Variants in ASH1L observed in about 807,000 individuals in gnomAD.
The protein encoded by ASH1L is ASH1 like histone lysine methyltransferase.
ASH1L carries 23 observed loss-of-function variants against 269.0 expected under a neutral mutation model. The observed-to-expected ratio is 0.09, with a 90% CI of 0.06 to 0.12. The LOEUF is 0.12. Among genes scored for constraint, ASH1L ranks in the 10% least tolerant of loss-of-function variants. ASH1L has a pLI of 1.00. For missense variants in ASH1L, 2,912 were observed against 3,567.8 expected (o/e 0.82, Z 4.68); for synonymous variants, 1,187 against 1,253.5 (o/e 0.95, Z 1.12).
chr1:155,392,025 G>A (rs1657971415), intron 7 of ASH1L, among the ~76,000 whole-genome samples: 1 of 152,066 alleles, frequency 6.6e-6, no homozygotes, highest in South Asian at 2.1e-4. Context: ...TTGCATTAGA[G>A]CAACCAGTTA....
intron 1 of ASH1L, among the ~76,000 whole-genome samples, chr1:155,522,799 G>A (rs778419887): frequency 6.6e-6 from 1 of 151,094 alleles, no homozygotes. Flanking sequence ...AGATTCTCCT[G>A]CCTCAGCTTC....
intron 15 of ASH1L, among the ~76,000 whole-genome samples, chr1:155,356,660 A>G (rs1470097327): frequency 6.6e-6 from 1 of 150,408 alleles, no homozygotes; most frequent in South Asian, 2.1e-4. Flanking sequence ...AAAAAAAAAC[A>G]ACAAAAAACC....
intron 4 of ASH1L, among the ~76,000 whole-genome samples, chr1:155,446,317 T>G (rs888140675): frequency 1.3e-5 from 2 of 150,638 alleles, no homozygotes; most frequent in African/African-American, 4.8e-5. Context: ...TTTTTTTTTT[T>G]TGAGACAAGG....
chr1:155,419,474 C>G (rs539571741), intron 5 of ASH1L: 1 of 151,548 alleles, frequency 6.6e-6, no homozygotes, highest in African/African-American at 2.4e-5. Flanking sequence ...GAATGATATG[C>G]AAACTTGTGA....
chr1:155,404,318 T>C (rs1044437630), intron 6 of ASH1L, among the ~76,000 whole-genome samples: 2 of 152,026 alleles, frequency 1.3e-5, no homozygotes, highest in Admixed American at 6.6e-5. Flanking sequence ...ATTATGCCAC[T>C]GTACTCTAGT....
At chr1:155,398,136 A>G (rs1217208876) in intron 6 of ASH1L, among the ~76,000 whole-genome samples, 2 of 152,240 alleles carry the variant, frequency 1.3e-5, no homozygotes, top group East Asian at 3.8e-4. Flanking sequence ...ATCTAGGACT[A>G]TAACATAGAT....
Position 155,343,125 on chromosome 1 carries a change from T to C in ASH1L, c.8293+189A>G, listed in dbSNP as rs1350376861. On this transcript the variant is annotated intron_variant, in intron 24 of 27. Transcript: ENST00000392403. The surrounding 1 kb of genome is among the most constrained non-coding windows in gnomAD (Gnocchi z 6.1). Reference sequence around the variant, plus strand: ...CTCCCAGGCTCAGCAATCCTCCCAGTAGTTGGGACTACAGGCCTACACTGC... The same window carrying C: ...CTCCCAGGCTCAGCAATCCTCCCAGCAGTTGGGACTACAGGCCTACACTGC... 9.0e-6 allele frequency: 5 copies of C among 557,406 alleles called. No individual in the cohort carries two copies. The highest frequency in any genetic ancestry group is 7.3e-5 in the South Asian group (3 of 41,202). 34.5% of individuals were successfully genotyped at this position (557,406 alleles called of 1,614,324 possible).
intron 3 of ASH1L, among the ~76,000 whole-genome samples, chr1:155,472,865 GAC>G (rs1321974601): frequency 6.6e-6 from 1 of 152,136 alleles, no homozygotes; most frequent in African/African-American, 2.4e-5. Context: ...GCCAAAAGCT[GAC>G]AGTTTTTTAA....
In ASH1L at chr1:155,378,369, G is replaced by T; in HGVS notation, c.6244C>A (p.Pro2082Thr). The change falls in exon 10 of 28, where the codon CCC (proline) becomes ACC (threonine). Residue 2082 changes from proline (P) to threonine (T), a missense_variant. Pro to Thr is a conservative substitution (Grantham distance 38). Coordinates refer to ENST00000392403, the MANE Select transcript of ASH1L (RefSeq NM_018489.3). ...IRSNVYVDVKPLSGYEATTCN... is the reference protein window; with the variant it reads ...IRSNVYVDVKTLSGYEATTCN... ...GTGGTAGCTTCGTAACCAGAAAGGG[G>T]TTTGACATCAACGTAGACATCTTGA... 6.2e-7 allele frequency: 1 copy of T among 1,614,136 alleles called. No homozygotes were observed. Among genetic ancestry groups the T allele is most frequent in the Non-Finnish European group, 8.5e-7 (1 of 1,179,986 alleles).
intron 4 of ASH1L, among the ~76,000 whole-genome samples, chr1:155,445,478 C>T (rs1662936750): frequency 6.6e-6 from 1 of 151,940 alleles, no homozygotes; most frequent in South Asian, 2.1e-4. Context: ...AGCCACTACA[C>T]CTGGTCTAAA....
intron 7 of ASH1L, among the ~76,000 whole-genome samples, chr1:155,392,842 CT>C (rs111947784): frequency 1.6e-3 from 227 of 142,518 alleles, no homozygotes; most frequent in Admixed American, 1.4e-3. Context: ...AATTCCTCGT[CT>C]TTTTTTTTTT....
At chr1:155,362,536 A>G (rs970870556) in intron 12 of ASH1L, among the ~76,000 whole-genome samples, 6 of 152,082 alleles carry the variant, frequency 3.9e-5, no homozygotes, top group Non-Finnish European at 8.8e-5. Flanking sequence ...TAACCCTCAT[A>G]CTACAAATAA....
intron 1 of ASH1L, among the ~76,000 whole-genome samples, chr1:155,528,075 T>C (rs1405696007): frequency 6.6e-6 from 1 of 152,202 alleles, no homozygotes; most frequent in Non-Finnish European, 1.5e-5. Flanking sequence ...AGAGACTAGC[T>C]GAGACCTCTT....
chr1:155,338,597 A>G (rs1652511214), intron 26 of ASH1L, among the ~76,000 whole-genome samples: 1 of 152,166 alleles, frequency 6.6e-6, no homozygotes, highest in Non-Finnish European at 1.5e-5. Context: ...TTCAACTTTT[A>G]TTATTTCTCT....
chr1:155,525,625 T>G (rs959568719), intron 1 of ASH1L, among the ~76,000 whole-genome samples: 1 of 151,894 alleles, frequency 6.6e-6, no homozygotes, highest in African/African-American at 2.4e-5. Context: ...AGAAAAAAAC[T>G]TACGGCACCA....
intron 1 of ASH1L, among the ~76,000 whole-genome samples, chr1:155,534,198 G>A (rs1237858187): frequency 6.6e-6 from 1 of 150,408 alleles, no homozygotes; most frequent in Admixed American, 6.7e-5. Context: ...AAAAAAATTT[G>A]GAATTCACAA....
intron 6 of ASH1L, among the ~76,000 whole-genome samples, chr1:155,399,046 G>A (rs1658609534): frequency 6.6e-6 from 1 of 152,054 alleles, no homozygotes; most frequent in Non-Finnish European, 1.5e-5. Flanking sequence ...AAACTTTTCA[G>A]GATAAAATTT....
intron 4 of ASH1L, among the ~76,000 whole-genome samples, chr1:155,447,034 G>GGAAA (rs1288117849): frequency 1.3e-5 from 2 of 152,052 alleles, no homozygotes; most frequent in Non-Finnish European, 2.9e-5. Flanking sequence ...AAATTCCTTG[G>GGAAA]GAATTTTCTG....
intron 3 of ASH1L, among the ~76,000 whole-genome samples, chr1:155,474,881 A>C (rs1335714145): frequency 6.6e-6 from 1 of 152,164 alleles, no homozygotes; most frequent in Non-Finnish European, 1.5e-5. Flanking sequence ...AGTTTCCTTC[A>C]AATTATTTTT....
Sources: allele counts gnomAD v4.1 joint callset (sites outside exome capture counted in the v4.1 genomes callset), GRCh38; gene constraint gnomAD v4.1.1; non-coding constraint Gnocchi (gnomAD v3.1); transcripts MANE v1.5; gene names NCBI Gene and HGNC (gene_info 2026-07-23, HGNC 2026-07-21).